CDKN1B: variants seen among roughly 807,000 people sequenced by gnomAD.
CDKN1B encodes cyclin dependent kinase inhibitor 1B.
In CDKN1B, 7 loss-of-function variants were observed where a neutral mutation model predicts 17.1. The ratio of observed to expected loss-of-function variants is 0.41; its 90% CI spans 0.23 to 0.77. The LOEUF (loss-of-function observed/expected upper bound fraction) is 0.77, where lower values mean the gene tolerates loss of function less well. Ranked by LOEUF, CDKN1B falls within the 30% of genes least tolerant of loss-of-function variation. The pLI is 0.33. For synonymous variants in CDKN1B, 149 were observed against 104.3 expected (o/e 1.43, Z -2.61); for missense variants, 337 against 262.0 (o/e 1.29, Z -1.98).
chr12:12,718,083 G>A lies in CDKN1B; in HGVS notation c.244G>A (p.Gly82Ser). 3 of 1,614,232 alleles carry A rather than the reference G, an allele frequency of 1.9e-6. No homozygotes were observed. The highest frequency in any genetic ancestry group is 2.5e-6 in the Non-Finnish European group (3 of 1,180,048). Residue 82 changes from glycine to serine, a missense_variant, in exon 1 of 3, where the codon GGC becomes AGC. Transcript: ENST00000228872. ...GTACGAGTGGCAAGAGGTGGAGAAG[G>A]GCAGCTTGCCCGAGTTCTACTACAG... ...GKYEWQEVEK[G>S]SLPEFYYRPP...
chr12:12,720,918 CT>C lies in CDKN1B; in HGVS notation c.*9-112del, dbSNP rs1946535479. The C allele has an allele frequency of 1.8e-5, 10 of 545,534 alleles. No homozygotes were observed. In the South Asian group the frequency reaches 2.4e-4, roughly 13 times the overall value. 33.8% of individuals were successfully genotyped at this position (545,534 alleles called of 1,614,324 possible). ...GGTGGAGATGACTATAGTCATCAAA[CT>C]TTTTTCCCCATCAAGTATTTCCAAG... On this transcript the variant is annotated intron_variant, in intron 2 of 2. Coordinates refer to ENST00000228872, the MANE Select transcript of CDKN1B (RefSeq NM_004064.5).
In CDKN1B at chr12:12,718,004, G is replaced by A. The variant is rs16908375; in HGVS notation, c.165G>A (p.Ala55=). 2,709 of 1,614,226 alleles carry A rather than the reference G, an allele frequency of 1.7e-3. 50 individuals carry two copies. In the East Asian group the frequency reaches 0.04, roughly 24 times the overall value. Residue 55 remains alanine (A), a synonymous_variant, in exon 1 of 3, where the codon GCG becomes GCA. Coordinates refer to ENST00000228872, the MANE Select transcript of CDKN1B (RefSeq NM_004064.5). ...AGCACTGCAGAGACATGGAAGAGGC[G>A]AGCCAGCGCAAGTGGAATTTCGATT... ...LEKHCRDMEE[A]SQRKWNFDFQ...
Position 12,717,792 on chromosome 12 carries a change from GT to G in CDKN1B, c.-41del, listed in dbSNP as rs765276743. ...GGGGCGCTTTGTTTTGTTCGGTTTTGTTTTTTTGAGAGTGCGAGAGAGGCGG... is the reference window on the plus strand; with the variant it reads ...GGGGCGCTTTGTTTTGTTCGGTTTTGTTTTTTGAGAGTGCGAGAGAGGCGG... On this transcript the variant is annotated 5_prime_UTR_variant, in exon 1 of 3. Coordinates refer to ENST00000228872, the MANE Select transcript of CDKN1B (RefSeq NM_004064.5). 1.9e-6 allele frequency: 3 copies of G among 1,606,030 alleles called. No homozygotes were observed. The highest frequency in any genetic ancestry group is 1.7e-6 in the Non-Finnish European group (2 of 1,178,706).
In CDKN1B at chr12:12,721,269, T is replaced by C. The variant is rs1254405131; in HGVS notation, c.*242T>C. On this transcript the variant is annotated 3_prime_UTR_variant, in exon 3 of 3. Coordinates refer to ENST00000228872, the MANE Select transcript of CDKN1B (RefSeq NM_004064.5). Reference sequence around the variant, plus strand: ...TTAGGTTTTTCCTTATTTGCTTCATTGTACTACCTGTGTATATAGTTTTTA... The same window carrying C: ...TTAGGTTTTTCCTTATTTGCTTCATCGTACTACCTGTGTATATAGTTTTTA... 2 of 653,332 alleles carry C rather than the reference T, an allele frequency of 3.1e-6. No individual in the cohort carries two copies. Among genetic ancestry groups the C allele is most frequent in the Non-Finnish European group, 5.6e-6 (2 of 357,886 alleles). The allele number at this position is 653,332 out of a possible 1,614,324, so 40.5% of individuals were successfully genotyped here.
Position 12,717,528 on chromosome 12 carries a change from G to T in CDKN1B, c.-312G>T. The T allele has an allele frequency of 7.2e-7, 1 of 1,382,624 alleles. No homozygotes were observed. 85.6% of individuals were successfully genotyped at this position (1,382,624 alleles called of 1,614,324 possible). On this transcript the variant is annotated 5_prime_UTR_variant, in exon 1 of 3. Transcript: ENST00000228872. ...GAGAGCGGCTGGGTTCGCGGGACCC[G>T]CGGGCTTGCACCCGCCCAGACTCGG... is the stretch of plus-strand genomic sequence containing the variant.
chr12:12,721,012 C>CT, intron 2 of CDKN1B, 24 bp from the exon 3 acceptor site: 1 of 648,442 alleles, frequency 1.5e-6, no homozygotes, highest in Admixed American at 2.6e-5. Context: ...TCCTTTAATT[C>CT]TTCCGTTTTG....
At position 12,719,338 on chromosome 12, in the gene CDKN1B, G is replaced by C. The variant is rs1946519162; in HGVS notation, c.*8+384G>C. The C allele has an allele frequency of 1.4e-5, 3 of 218,336 alleles. No individual in the cohort carries two copies. The South Asian group carries it at 1.9e-4, about 14-fold the overall frequency. The allele number at this position is 218,336 out of a possible 1,614,324, so 13.5% of individuals were successfully genotyped here. ...ATTTCCTAGAGGTTCAGCTTGAGTC[G>C]GTAACAGATTTTGAGCCATACATGG... On this transcript the variant is annotated intron_variant, in intron 2 of 2. Coordinates refer to ENST00000228872, the MANE Select transcript of CDKN1B (RefSeq NM_004064.5).
Position 12,717,697 on chromosome 12 carries a change from C to T in CDKN1B, c.-143C>T, listed in dbSNP as rs1946481729. On this transcript the variant is annotated 5_prime_UTR_variant, in exon 1 of 3. Transcript: ENST00000228872. ...CGCGCTCCTAGAGCTCGGGCCGTGGCTCGTCGGGGTCTGTGTCTTTTGGCT... is the reference window on the plus strand; with the variant it reads ...CGCGCTCCTAGAGCTCGGGCCGTGGTTCGTCGGGGTCTGTGTCTTTTGGCT... 2.6e-6 allele frequency: 4 copies of T among 1,538,252 alleles called. No individual in the cohort carries two copies. Among genetic ancestry groups the T allele is most frequent in the Middle Eastern group, 2.3e-4 (1 of 4,322 alleles).
chr12:12,719,151 C>T (rs923571514), intron 2 of CDKN1B, 197 bp downstream of exon 2: 1 of 639,336 alleles, frequency 1.6e-6, no homozygotes, highest in Non-Finnish European at 2.6e-6. Flanking sequence ...GAGATACTTT[C>T]TCTTCAAACT....
In CDKN1B at chr12:12,717,877, T is replaced by G. The variant is rs1946486449; in HGVS notation, c.38T>G (p.Leu13Arg). The change falls in exon 1 of 3, where the codon CTG becomes CGG. Residue 13 changes from leucine to arginine, a missense_variant. Physicochemically the swap from Leu to Arg is moderately radical, Grantham distance 102. Transcript: ENST00000228872. Reference sequence around the variant, plus strand: ...CGAGTGTCTAACGGGAGCCCTAGCCTGGAGCGGATGGACGCCAGGCAGGCG... The same window carrying G: ...CGAGTGTCTAACGGGAGCCCTAGCCGGGAGCGGATGGACGCCAGGCAGGCG... ...NVRVSNGSPS[L>R]ERMDARQAEH... The G allele has an allele frequency of 6.2e-7, 1 of 1,613,850 alleles. No individual in the cohort carries two copies. Among genetic ancestry groups the G allele is most frequent in the Non-Finnish European group, 8.5e-7 (1 of 1,180,008 alleles).
intron 2 of CDKN1B, 170 bp downstream of exon 2, chr12:12,719,124 C>G: frequency 1.3e-6 from 1 of 746,572 alleles, no homozygotes; most frequent in Middle Eastern, 3.9e-4. Context: ...GGTAATTCCT[C>G]AGAGTTTCTA....
intron 2 of CDKN1B, 141 bp downstream of exon 2, chr12:12,719,095 T>TG (rs1417159442): frequency 1.1e-6 from 1 of 898,526 alleles, no homozygotes; most frequent in East Asian, 2.6e-5. Context: ...AAAGTAGCAA[T>TG]GGGGAAGGCT....
In CDKN1B at chr12:12,718,757, C is replaced by T. The variant is rs939101770; in HGVS notation, c.476-68C>T. On this transcript the variant is annotated intron_variant, in intron 1 of 2. Transcript: ENST00000228872. ...TTTCATCCCCTGACTATGGGGCCAA[C>T]TTCTGCCAGCCATTGTTTTTTCTAA... The T allele has an allele frequency of 9.4e-6, 15 of 1,597,198 alleles. 1 individual carries two copies. The South Asian group carries it at 1.5e-4, about 16-fold the overall frequency.
chr12:12,718,224 C>A lies in CDKN1B; in HGVS notation c.385C>A (p.His129Asn). 6.2e-7 allele frequency: 1 copy of A among 1,611,930 alleles called. No homozygotes were observed. Reference protein sequence around the residue: ...IGAPANSEDTHLVDPKTDPSD... With the variant: ...IGAPANSEDTNLVDPKTDPSD... ...GGCTCCGGCTAACTCTGAGGACACG[C>A]ATTTGGTGGACCCAAAGACTGATCC... The change falls in exon 1 of 3, where the codon CAT becomes AAT. Residue 129 changes from histidine (H) to asparagine (N), a missense_variant. Transcript: ENST00000228872.
At position 12,718,244 on chromosome 12, in the gene CDKN1B, T is replaced by C. The variant is rs754756030; in HGVS notation, c.405T>C (p.Thr135=). The change falls in exon 1 of 3, where the codon ACT becomes ACC. Residue 135 remains threonine, a synonymous_variant. Coordinates refer to ENST00000228872, the MANE Select transcript of CDKN1B (RefSeq NM_004064.5). ...ACACGCATTTGGTGGACCCAAAGAC[T>C]GATCCGTCGGACAGCCAGACGGGGT... The part of the protein sequence containing the change: ...SEDTHLVDPK[T]DPSDSQTGLA... 9.9e-6 allele frequency: 16 copies of C among 1,611,720 alleles called. No homozygotes were observed. The South Asian group carries it at 1.5e-4, about 15-fold the overall frequency.
Position 12,717,993 on chromosome 12 carries a change from A to G in CDKN1B, c.154A>G (p.Met52Val), listed in dbSNP as rs760647541. Residue 52 changes from methionine to valine, a missense_variant, in exon 1 of 3, where the codon ATG (methionine) becomes GTG (valine). By Grantham distance (21) the Met-to-Val change is conservative. Coordinates refer to ENST00000228872, the MANE Select transcript of CDKN1B (RefSeq NM_004064.5). Reference sequence around the variant, plus strand: ...GGACTTGGAGAAGCACTGCAGAGACATGGAAGAGGCGAGCCAGCGCAAGTG... The same window carrying G: ...GGACTTGGAGAAGCACTGCAGAGACGTGGAAGAGGCGAGCCAGCGCAAGTG... ...TRDLEKHCRDMEEASQRKWNF... is the reference protein window; with the variant it reads ...TRDLEKHCRDVEEASQRKWNF... 5 of 1,614,256 alleles carry G rather than the reference A, an allele frequency of 3.1e-6. No homozygotes were observed. Among genetic ancestry groups the G allele is most frequent in the South Asian group, 1.1e-5 (1 of 91,090 alleles).
At position 12,718,033 on chromosome 12, in the gene CDKN1B, A is replaced by G. The variant is rs1592280892; in HGVS notation, c.194A>G (p.Gln65Arg). Reference sequence around the variant, plus strand: ...CAGCGCAAGTGGAATTTCGATTTTCAGAATCACAAACCCCTAGAGGGCAAG... The same window carrying G: ...CAGCGCAAGTGGAATTTCGATTTTCGGAATCACAAACCCCTAGAGGGCAAG... The part of the protein sequence containing the change: ...ASQRKWNFDF[Q>R]NHKPLEGKYE... Residue 65 changes from glutamine to arginine, a missense_variant, in exon 1 of 3, where the codon CAG becomes CGG. Gln to Arg is a conservative substitution (Grantham distance 43). Coordinates refer to ENST00000228872, the MANE Select transcript of CDKN1B (RefSeq NM_004064.5). 6.2e-7 allele frequency: 1 copy of G among 1,614,222 alleles called. No homozygotes were observed. The highest frequency in any genetic ancestry group is 8.5e-7 in the Non-Finnish European group (1 of 1,180,042).
intron 1 of CDKN1B, 72 bp downstream of exon 1, chr12:12,718,386 C>T (rs748157544): frequency 5.8e-6 from 8 of 1,375,042 alleles, no homozygotes; most frequent in Non-Finnish European, 8.1e-6. Context: ...TTAACCTTAG[C>T]TTGCTTTTCG....
At position 12,718,052 on chromosome 12, in the gene CDKN1B, G is replaced by A. The variant is rs1592280924; in HGVS notation, c.213G>A (p.Glu71=). 1 of 1,614,268 alleles carries A rather than the reference G, an allele frequency of 6.2e-7. No individual in the cohort carries two copies. The highest frequency in any genetic ancestry group is 8.5e-7 in the Non-Finnish European group (1 of 1,180,050). Residue 71 remains glutamate (E), a synonymous_variant, in exon 1 of 3, where the codon GAG becomes GAA. Coordinates refer to ENST00000228872, the MANE Select transcript of CDKN1B (RefSeq NM_004064.5). The stretch of plus-strand genomic sequence containing the variant: ...ATTTTCAGAATCACAAACCCCTAGA[G>A]GGCAAGTACGAGTGGCAAGAGGTGG... ...NFDFQNHKPL[E]GKYEWQEVEK...
Sources: allele counts gnomAD v4.1 joint callset, GRCh38; gene constraint gnomAD v4.1.1; transcripts MANE v1.5; gene names NCBI Gene and HGNC (gene_info 2026-07-23, HGNC 2026-07-21).